AFAP1L1: variants seen among roughly 807,000 people sequenced by gnomAD.
AFAP1L1 encodes actin filament-associated protein 1-like 1.
A neutral mutation model predicts 99.8 loss-of-function variants in AFAP1L1; 77 were observed. The observed-to-expected ratio is 0.77, with a 90% CI of 0.64 to 0.93. The LOEUF (loss-of-function observed/expected upper bound fraction) is 0.93, where lower values mean the gene tolerates loss of function less well. Among genes scored for constraint, AFAP1L1 ranks in the 40% least tolerant of loss-of-function variants. The pLI is 0.00. For synonymous variants in AFAP1L1, 373 were observed against 395.3 expected (o/e 0.94, Z 0.67); for missense variants, 893 against 996.8 (o/e 0.90, Z 1.40).
At chr5:149,279,559 TG>T (rs896754846) in intron 1 of AFAP1L1, among the ~76,000 whole-genome samples, 1 of 152,250 alleles carries the variant, frequency 6.6e-6, no homozygotes, top group Admixed American at 6.5e-5. Context: ...GGATGGAATT[TG>T]GGGAGACCGC....
chr5:149,310,019 A>C lies in AFAP1L1; in HGVS notation c.811A>C (p.Ile271Leu). The C allele has an allele frequency of 1.2e-6, 2 of 1,614,222 alleles. No homozygotes were observed. Among genetic ancestry groups the C allele is most frequent in the East Asian group, 4.5e-5 (2 of 44,886 alleles). Residue 271 changes from isoleucine to leucine, a missense_variant, in exon 8 of 19, where the codon ATC becomes CTC. By Grantham distance (5) the Ile-to-Leu change is conservative (BLOSUM62 2). Transcript: ENST00000296721. Reference sequence around the variant, plus strand: ...GTTGGCACTGGATACCTGCAGCATCATCTACGTGCCCAAGGACAGCCGGCA... The same window carrying C: ...GTTGGCACTGGATACCTGCAGCATCCTCTACGTGCCCAAGGACAGCCGGCA... ...LRLALDTCSI[I>L]YVPKDSRHKR...
In AFAP1L1 at chr5:149,317,785, T is replaced by G; in HGVS notation, c.1324T>G (p.Cys442Gly). Residue 442 changes from cysteine to glycine, a missense_variant, in exon 12 of 19, where the codon TGC becomes GGC. Coordinates refer to ENST00000296721, the MANE Select transcript of AFAP1L1 (RefSeq NM_152406.4). ...GAAGGAACGCTGGTGCCGCCTGAAG[T>G]GCAACACTCTGTATTTCCACAAGGA... The part of the protein sequence containing the change: ...GWKERWCRLK[C>G]NTLYFHKDHM... 1 of 1,614,036 alleles carries G rather than the reference T, an allele frequency of 6.2e-7. No individual in the cohort carries two copies. Among genetic ancestry groups the G allele is most frequent in the Non-Finnish European group, 8.5e-7 (1 of 1,179,988 alleles).
intron 18 of AFAP1L1, among the ~76,000 whole-genome samples, chr5:149,336,081 C>T (rs1757397962): frequency 6.6e-6 from 1 of 152,136 alleles, no homozygotes; most frequent in South Asian, 2.1e-4. Context: ...AAACCCACCT[C>T]TTCCAATTCT....
At chr5:149,304,629 T>G (rs1561670788) in intron 5 of AFAP1L1, among the ~76,000 whole-genome samples, 1 of 152,162 alleles carries the variant, frequency 6.6e-6, no homozygotes, top group African/African-American at 2.4e-5. Flanking sequence ...GCCAAGCCCA[T>G]CAGGGAGTAT....
At chr5:149,318,657 C>T (rs147128362) in intron 12 of AFAP1L1, among the ~76,000 whole-genome samples, 2 of 152,344 alleles carry the variant, frequency 1.3e-5, no homozygotes, top group East Asian at 3.9e-4. Flanking sequence ...GTCCTTCTTA[C>T]TCACGGGCAC....
intron 1 of AFAP1L1, among the ~76,000 whole-genome samples, chr5:149,291,497 G>A (rs1029490538): frequency 1.7e-5 from 2 of 118,976 alleles, no homozygotes; most frequent in African/African-American, 6.5e-5. Flanking sequence ...CTGCACTCCA[G>A]CCGGACAACA....
Position 149,312,169 on chromosome 5 carries a change from T to C in AFAP1L1, c.985T>C (p.Ser329Pro). 6.2e-7 allele frequency: 1 copy of C among 1,614,078 alleles called. No individual in the cohort carries two copies. Among genetic ancestry groups the C allele is most frequent in the Non-Finnish European group, 8.5e-7 (1 of 1,180,014 alleles). Residue 329 changes from serine (S) to proline (P), a missense_variant, in exon 9 of 19, where the codon TCC (serine) becomes CCC (proline). Transcript: ENST00000296721. ...AGCTGAGGGAGTGGAGGTCCCCAGA[T>C]CCCCAGTCCTCCTGTGCAAGTTGGA... is the stretch of plus-strand genomic sequence containing the variant. ...GGAEGVEVPR[S>P]PVLLCKLDLD...
intron 1 of AFAP1L1, among the ~76,000 whole-genome samples, chr5:149,273,817 C>A (rs570524024): frequency 5.9e-5 from 9 of 151,944 alleles, no homozygotes; most frequent in Non-Finnish European, 8.8e-5. Flanking sequence ...CCACCACCCC[C>A]ACTCCCCACC....
intron 1 of AFAP1L1, among the ~76,000 whole-genome samples, chr5:149,292,101 G>A (rs896544659): frequency 1.3e-5 from 2 of 152,222 alleles, no homozygotes; most frequent in African/African-American, 4.8e-5. Flanking sequence ...AAGCATTTTT[G>A]TACGCTCCAG....
chr5:149,339,880 G>A (rs1317003224), intron 18 of AFAP1L1, 127 bp from the exon 19 acceptor site: 1 of 810,624 alleles, frequency 1.2e-6, no homozygotes, highest in Non-Finnish European at 2.0e-6. Flanking sequence ...AAGAGAGAGA[G>A]GGGGTTAGAA....
intron 1 of AFAP1L1, among the ~76,000 whole-genome samples, chr5:149,274,884 CA>C (rs60097014): frequency 0.046 from 5,719 of 123,434 alleles, 195 homozygotes; most frequent in African/African-American, 0.11. Flanking sequence ...GATTCTGTCT[CA>C]AAAAAAAAAA....
chr5:149,272,520 G>T (rs1362769174), intron 1 of AFAP1L1, among the ~76,000 whole-genome samples: 1 of 152,172 alleles, frequency 6.6e-6, no homozygotes, highest in South Asian at 2.1e-4. Flanking sequence ...CTGTGTCCTC[G>T]GCCCAGCCCT....
At chr5:149,308,414 A>G (rs1204144372) in intron 7 of AFAP1L1, among the ~76,000 whole-genome samples, 2 of 152,200 alleles carry the variant, frequency 1.3e-5, no homozygotes, top group Non-Finnish European at 2.9e-5. Context: ...TCTGTCTTTT[A>G]TAAAACGAAT....
chr5:149,333,440 G>A (rs1350441389), intron 17 of AFAP1L1, among the ~76,000 whole-genome samples: 3 of 152,132 alleles, frequency 2.0e-5, no homozygotes, highest in African/African-American at 4.8e-5. Flanking sequence ...AAAATACAGC[G>A]GTCTCACATG....
chr5:149,306,402 C>T lies in AFAP1L1; in HGVS notation c.533C>T (p.Ser178Phe). 3.1e-6 allele frequency: 5 copies of T among 1,608,798 alleles called. No individual in the cohort carries two copies. The highest frequency in any genetic ancestry group is 3.4e-6 in the Non-Finnish European group (4 of 1,177,280). ...AGGGTGAACGGCGAGCTTAAGAGCT[C>T]CTGTAAGTACCAGGTGGGCGTCCAG... ...ATRVNGELKS[S>F]YNDSDAMSSS... Residue 178 changes from serine to phenylalanine, a missense_variant and splice_region_variant, in exon 6 of 19, where the codon TCC (serine) becomes TTC (phenylalanine). Ser to Phe is a radical substitution (Grantham distance 155, BLOSUM62 -2). Transcript: ENST00000296721.
At chr5:149,277,044 T>A (rs1462966583) in intron 1 of AFAP1L1, among the ~76,000 whole-genome samples, 2 of 152,230 alleles carry the variant, frequency 1.3e-5, no homozygotes, top group East Asian at 1.9e-4. Context: ...TGGATCACCA[T>A]CTCTTTAAGG....
chr5:149,325,368 G>T (rs1757067452), intron 15 of AFAP1L1, among the ~76,000 whole-genome samples: 1 of 152,196 alleles, frequency 6.6e-6, no homozygotes, highest in Non-Finnish European at 1.5e-5. Flanking sequence ...TCCCCAGGAA[G>T]GGCAGGCTGC....
At chr5:149,307,222 G>C (rs1350368209) in intron 6 of AFAP1L1, among the ~76,000 whole-genome samples, 180 bp from the exon 7 acceptor site, 1 of 152,042 alleles carries the variant, frequency 6.6e-6, no homozygotes, top group Non-Finnish European at 1.5e-5. Context: ...ACTCCAGCCT[G>C]GGTGACAGAG....
At chr5:149,327,500 T>G (rs1023752215) in intron 15 of AFAP1L1, among the ~76,000 whole-genome samples, 3 of 152,050 alleles carry the variant, frequency 2.0e-5, no homozygotes, top group Admixed American at 1.3e-4. Flanking sequence ...TATAGCTATA[T>G]GCTTACTATA....
Sources: allele counts gnomAD v4.1 joint callset (sites outside exome capture counted in the v4.1 genomes callset), GRCh38; gene constraint gnomAD v4.1.1; transcripts MANE v1.5; gene names NCBI Gene and HGNC (gene_info 2026-07-23, HGNC 2026-07-21).